FUT8: variants seen among roughly 807,000 people sequenced by gnomAD.
FUT8 encodes alpha-(1,6)-fucosyltransferase.
A neutral mutation model predicts 71.3 loss-of-function variants in FUT8; 29 were observed. The ratio of observed to expected loss-of-function variants is 0.41; its 90% CI spans 0.30 to 0.55. FUT8 has a LOEUF of 0.55. Ranked by LOEUF, FUT8 falls within the 20% of genes least tolerant of loss-of-function variation. The probability of loss-of-function intolerance (pLI) is 0.34; values close to 1 mark genes in which losing one functional copy is unlikely to be tolerated. For missense variants in FUT8, 544 were observed against 702.1 expected, an observed-to-expected ratio of 0.77 and a Z score of 2.55; for synonymous variants, 254 against 239.3, an observed-to-expected ratio of 1.06 and a Z score of -0.57.
At chr14:65,459,369 AC>A (rs1031079825) in intron 2 of FUT8, among the ~76,000 whole-genome samples, 95 of 152,318 alleles carry the variant, frequency 6.2e-4, no homozygotes, top group African/African-American at 2.1e-3. Context: ...TGAGGTTGTT[AC>A]AAAATAAAAA....
intron 6 of FUT8, among the ~76,000 whole-genome samples, chr14:65,665,249 T>G (rs1892154352): frequency 6.6e-6 from 1 of 152,194 alleles, no homozygotes; most frequent in Admixed American, 6.6e-5. Flanking sequence ...TAGATGGAAT[T>G]AATAGAGAAA....
intron 7 of FUT8, among the ~76,000 whole-genome samples, chr14:65,670,818 G>A (rs1892441556): frequency 6.6e-6 from 1 of 152,140 alleles, no homozygotes; most frequent in Admixed American, 6.5e-5. Context: ...TCTGCAAGAG[G>A]TCCTGTATGG....
At chr14:65,699,868 T>G (rs764459927) in intron 7 of FUT8, among the ~76,000 whole-genome samples, 3 of 152,220 alleles carry the variant, frequency 2.0e-5, no homozygotes, top group Admixed American at 6.5e-5. Context: ...ACGTTCCATG[T>G]AGTACTAACT....
the FUT8 span, among the ~76,000 whole-genome samples, chr14:65,375,311 A>G: frequency 6.6e-6 from 1 of 152,216 alleles, no homozygotes; most frequent in East Asian, 1.9e-4. Context: ...TAAGACATGG[A>G]CATAAATAGC....
At chr14:65,441,001 A>G (rs555392055) in intron 1 of FUT8, among the ~76,000 whole-genome samples, 3 of 152,202 alleles carry the variant, frequency 2.0e-5, no homozygotes, top group Non-Finnish European at 4.4e-5. Context: ...GCTACATTTT[A>G]TACTCAAAAC....
At chr14:65,590,864 TG>T (rs1415602264) in intron 3 of FUT8, among the ~76,000 whole-genome samples, 2 of 152,138 alleles carry the variant, frequency 1.3e-5, no homozygotes, top group African/African-American at 4.8e-5. Context: ...AAATTCTCCA[TG>T]GGGAAAATAG....
At chr14:65,404,240 C>T in the FUT8 span, among the ~76,000 whole-genome samples, 1 of 151,658 alleles carries the variant, frequency 6.6e-6, no homozygotes, top group Non-Finnish European at 1.5e-5. Flanking sequence ...GGTGTGATCT[C>T]GGCTCACTGC....
intron 1 of FUT8, among the ~76,000 whole-genome samples, chr14:65,436,247 C>T (rs761217373): frequency 5.3e-5 from 8 of 151,708 alleles, no homozygotes; most frequent in Admixed American, 1.3e-4. Context: ...AGTTTGAGAT[C>T]ACCCTGGGCA....
chr14:65,491,117 C>T (rs192510509), intron 2 of FUT8, among the ~76,000 whole-genome samples: 97 of 152,186 alleles, frequency 6.4e-4, no homozygotes, highest in South Asian at 5.0e-3. Flanking sequence ...ATGGTTCTTA[C>T]CTCAAAGTAC....
At chr14:65,568,103 A>G (rs73286118) in intron 3 of FUT8, among the ~76,000 whole-genome samples, 15,476 of 151,778 alleles carry the variant, frequency 0.1, 1,048 homozygotes, top group East Asian at 0.39. Context: ...TTTAATATAA[A>G]TTGGACTGTT....
At chr14:65,455,742 CTTCCCTGTTCT>C (rs1483776049) in intron 2 of FUT8, 24 bp downstream of exon 2, 1 of 398,078 alleles carries the variant, frequency 2.5e-6, no homozygotes, top group Non-Finnish European at 4.4e-6. Context: ...GTGGACAGCA[CTTCCCTGTTCT>C]AATTATATGT....
chr14:65,551,277 C>T (rs898018077), intron 2 of FUT8, among the ~76,000 whole-genome samples: 4 of 152,064 alleles, frequency 2.6e-5, no homozygotes, highest in African/African-American at 9.7e-5. Flanking sequence ...GGCCATTGTT[C>T]ATTTTCTTGT....
the FUT8 span, among the ~76,000 whole-genome samples, chr14:65,379,478 C>T: frequency 9.2e-5 from 14 of 151,854 alleles, no homozygotes; most frequent in East Asian, 7.8e-4. Flanking sequence ...TGCAATGAGC[C>T]GAGATGGCGC....
At chr14:65,592,164 C>T (rs1481452149) in intron 3 of FUT8, among the ~76,000 whole-genome samples, 2 of 151,918 alleles carry the variant, frequency 1.3e-5, no homozygotes, top group Non-Finnish European at 2.9e-5. Context: ...CACTAAATCC[C>T]TTTGGATATA....
chr14:65,479,808 C>T (rs2066301759), intron 2 of FUT8: 1 of 152,056 alleles, frequency 6.6e-6, no homozygotes, highest in Non-Finnish European at 1.5e-5. Flanking sequence ...GATTACTATG[C>T]CTGTTGCAAA....
intron 6 of FUT8, among the ~76,000 whole-genome samples, chr14:65,642,249 C>T (rs1029479819): frequency 3.3e-5 from 5 of 152,012 alleles, no homozygotes; most frequent in Non-Finnish European, 5.9e-5. Context: ...TTCAATTGGT[C>T]TAGAATCATT....
chr14:65,582,669 A>G (rs1025960710), intron 3 of FUT8, among the ~76,000 whole-genome samples: 2 of 152,114 alleles, frequency 1.3e-5, no homozygotes, highest in African/African-American at 2.4e-5. Context: ...TGTACTCTCC[A>G]CAGTTTGATA....
intron 3 of FUT8, among the ~76,000 whole-genome samples, chr14:65,595,602 C>CTTTTTTTTTTTTTTTTT (rs34129010): frequency 2.4e-5 from 2 of 81,724 alleles, no homozygotes; most frequent in South Asian, 5.4e-4. Context: ...ACACCATTCT[C>CTTTTTTTTTTTTTTTTT]TTTTTTTTTT....
rs148808804 is a variant in FUT8, at chr14:65,743,528, G to T, written c.*1118G>T. 6.6e-6 allele frequency: 1 copy of T among 151,776 alleles called. No individual in the cohort carries two copies. Among genetic ancestry groups the T allele is most frequent in the African/African-American group, 2.4e-5 (1 of 41,338 alleles). 9.4% of individuals were successfully genotyped at this position (151,776 alleles called of 1,614,324 possible). ...TTTATTATCGCTTTTTGTGAGTAGGGTCCTGTTTTATCCAGGAACCAATTT... is the reference window on the plus strand; with the variant it reads ...TTTATTATCGCTTTTTGTGAGTAGGTTCCTGTTTTATCCAGGAACCAATTT... On this transcript the variant is annotated 3_prime_UTR_variant, in exon 11 of 11. Coordinates refer to ENST00000673929, the MANE Select transcript of FUT8 (RefSeq NM_001371533.1).
Sources: gnomAD v4.1 joint callset for allele counts (sites outside exome capture counted in the v4.1 genomes callset) on GRCh38, gnomAD v4.1.1 for gene constraint, MANE v1.5 for transcripts, NCBI Gene and HGNC (gene_info 2026-07-23, HGNC 2026-07-21) for gene names.